SEC14L5: variants seen among roughly 807,000 people sequenced by gnomAD.
SEC14L5 encodes SEC14-like protein 5.
SEC14L5 carries 96 observed loss-of-function variants against 84.6 expected under a neutral mutation model. The observed-to-expected ratio is 1.13, with a 90% CI of 0.96 to 1.34. SEC14L5 has a LOEUF of 1.34. Ranked by LOEUF, SEC14L5 falls within the 40% of genes most tolerant of loss-of-function variation. SEC14L5 has a pLI of 0.00. For synonymous variants in SEC14L5, 546 were observed against 383.4 expected, an observed-to-expected ratio of 1.42 and a Z score of -4.95; for missense variants, 1,224 against 942.5, an observed-to-expected ratio of 1.30 and a Z score of -3.91.
intron 3 of SEC14L5, among the ~76,000 whole-genome samples, chr16:4,987,912 T>G (rs1596627701): frequency 6.7e-6 from 1 of 149,960 alleles, no homozygotes; most frequent in African/African-American, 2.5e-5. Flanking sequence ...GGCTGGGGAG[T>G]AGCGGGAACT....
chr16:4,979,952 C>T (rs753426370), intron 2 of SEC14L5, among the ~76,000 whole-genome samples: 7 of 152,206 alleles, frequency 4.6e-5, no homozygotes, highest in Non-Finnish European at 1.0e-4. Context: ...TGGGACTCAG[C>T]ATTTCCAAGC....
intron 12 of SEC14L5, among the ~76,000 whole-genome samples, chr16:5,007,070 C>T (rs555534420): frequency 7.9e-5 from 12 of 152,220 alleles, no homozygotes; most frequent in South Asian, 2.1e-4. Flanking sequence ...CTGTGACGAA[C>T]GTGGGTTTGT....
At chr16:5,002,995 A>G (rs576765372) in intron 10 of SEC14L5, among the ~76,000 whole-genome samples, 1 of 152,372 alleles carries the variant, frequency 6.6e-6, no homozygotes, top group African/African-American at 2.4e-5. Flanking sequence ...TAGCATTGCA[A>G]TAATGGAATG....
At chr16:4,988,056 G>T (rs932140122) in intron 3 of SEC14L5, 93 bp from the exon 4 acceptor site, 2 of 1,375,466 alleles carry the variant, frequency 1.5e-6, no homozygotes, top group Admixed American at 1.8e-5. Context: ...TCAGGGCAGG[G>T]GGTGACTGGG....
At chr16:5,001,147 G>C (rs1253104496) in intron 10 of SEC14L5, among the ~76,000 whole-genome samples, 1 of 152,002 alleles carries the variant, frequency 6.6e-6, no homozygotes, top group African/African-American at 2.4e-5. Flanking sequence ...ATCGAAGCTT[G>C]TGAGCCGGTC....
At chr16:5,009,896 A>G in intron 14 of SEC14L5, among the ~76,000 whole-genome samples, 2 of 152,028 alleles carry the variant, frequency 1.3e-5, no homozygotes, top group South Asian at 2.1e-4. Flanking sequence ...ACAAAATTGA[A>G]GCCGCAGGGA....
At chr16:4,995,959 C>T (rs781078206) in intron 6 of SEC14L5, among the ~76,000 whole-genome samples, 5 of 152,110 alleles carry the variant, frequency 3.3e-5, no homozygotes, top group Non-Finnish European at 7.3e-5. Flanking sequence ...ATAATAGTGA[C>T]GCCTGCCTCA....
At chr16:4,975,780 G>A (rs918746616) in intron 2 of SEC14L5, among the ~76,000 whole-genome samples, 3 of 152,174 alleles carry the variant, frequency 2.0e-5, no homozygotes, top group African/African-American at 7.2e-5. Context: ...GGGAAGGAAA[G>A]GGGTTGATAG....
rs1955517730 is a variant in SEC14L5, at chr16:4,988,296, C to G, written c.345+16C>G. 1 of 1,612,450 alleles carries G rather than the reference C, an allele frequency of 6.2e-7. No individual in the cohort carries two copies. The highest frequency in any genetic ancestry group is 1.3e-5 in the African/African-American group (1 of 74,894). ...CAGCTACACGGTGAGCCCAGGCCAC[C>G]CTCAGCGCCCACGCCCGGCACCCAC... On this transcript the variant is annotated intron_variant, in intron 4 of 15. Transcript: ENST00000251170.
intron 4 of SEC14L5, among the ~76,000 whole-genome samples, chr16:4,989,629 G>A (rs1955530954): frequency 6.6e-6 from 1 of 152,186 alleles, no homozygotes; most frequent in Non-Finnish European, 1.5e-5. Context: ...TTACAGACAT[G>A]AGCCACCGTA....
chr16:4,986,142 C>CT (rs760379850), intron 2 of SEC14L5, among the ~76,000 whole-genome samples: 6,013 of 143,304 alleles, frequency 0.042, 150 homozygotes, highest in Middle Eastern at 0.094. Flanking sequence ...TCTTCTTCTT[C>CT]TTTTTTTTTT....
rs369407626 is a variant in SEC14L5, at chr16:5,003,442, C to T, written c.1171C>T (p.Arg391Trp). 1.5e-5 allele frequency: 24 copies of T among 1,613,080 alleles called. No homozygotes were observed. The highest frequency in any genetic ancestry group is 3.3e-5 in the Admixed American group (2 of 59,996). ...GCTAGACCTGGAGGGACTCAACATG[C>T]GGCACCTGTGGCGGCCGGGGGTGAA... is the stretch of plus-strand genomic sequence containing the variant. ...CLLDLEGLNMRHLWRPGVKAL... is the reference protein window; with the variant it reads ...CLLDLEGLNMWHLWRPGVKAL... The change falls in exon 11 of 16, where the codon CGG becomes TGG. Residue 391 changes from arginine (R) to tryptophan (W), a missense_variant. Coordinates refer to ENST00000251170, the MANE Select transcript of SEC14L5 (RefSeq NM_014692.2).
intron 8 of SEC14L5, among the ~76,000 whole-genome samples, chr16:4,997,769 A>G (rs1955627788): frequency 6.6e-6 from 1 of 152,046 alleles, no homozygotes. Flanking sequence ...CTAGGGGAGA[A>G]TCCTTGCCTG....
Position 4,988,087 on chromosome 16 carries a change from C to T in SEC14L5, c.214-62C>T, listed in dbSNP as rs1360749309. On this transcript the variant is annotated intron_variant, in intron 3 of 15. Coordinates refer to ENST00000251170, the MANE Select transcript of SEC14L5 (RefSeq NM_014692.2). ...CTGGGGCAGGCCCGCCGGACTCGCT[C>T]TCCATTCCTGTGTGCTCCACGCCGC... 14 of 1,590,760 alleles carry T rather than the reference C, an allele frequency of 8.8e-6. No individual in the cohort carries two copies. In the Admixed American group the frequency reaches 2.2e-4, roughly 25 times the overall value.
intron 2 of SEC14L5, among the ~76,000 whole-genome samples, chr16:4,967,350 G>A (rs573676026): frequency 1.9e-4 from 29 of 152,036 alleles, no homozygotes; most frequent in Non-Finnish European, 3.5e-4. Context: ...GGATTTATAA[G>A]GACACTCCAA....
chr16:4,975,847 G>C (rs925114837), intron 2 of SEC14L5, among the ~76,000 whole-genome samples: 29 of 152,184 alleles, frequency 1.9e-4, no homozygotes, highest in African/African-American at 7.0e-4. Context: ...TGGCTGCGTA[G>C]TGGCCAGGCC....
At chr16:5,010,019 A>G (rs1955780452) in intron 14 of SEC14L5, among the ~76,000 whole-genome samples, 1 of 151,848 alleles carries the variant, frequency 6.6e-6, no homozygotes, top group African/African-American at 2.4e-5. Flanking sequence ...TCTGATGTGC[A>G]CTGTGGTTTC....
rs1555529515 is a variant in SEC14L5 at position 4,987,499 on chromosome 16, G to GGC, written c.64-57_64-56insCG. ...CACAGCAGATAAGGAGGTCGCGCTG[G>GGC]GGGGGGGGGTCCCTCTGCCCCCCCC... On this transcript the variant is annotated intron_variant, in intron 2 of 15. Transcript: ENST00000251170. The GGC allele has an allele frequency of 3.9e-6, 5 of 1,298,344 alleles. No homozygotes were observed. The African/African-American group carries it at 6.3e-5, about 16-fold the overall frequency. 80.4% of individuals were successfully genotyped at this position (1,298,344 alleles called of 1,614,324 possible).
chr16:5,009,129 G>A (rs538427247), intron 14 of SEC14L5, among the ~76,000 whole-genome samples: 1 of 152,180 alleles, frequency 6.6e-6, no homozygotes, highest in Non-Finnish European at 1.5e-5. Context: ...CTATGCCTCT[G>A]TCCTAGCCTT....
Sources: gnomAD v4.1 joint callset for allele counts (sites outside exome capture counted in the v4.1 genomes callset) on GRCh38, gnomAD v4.1.1 for gene constraint, MANE v1.5 for transcripts, NCBI Gene and HGNC (gene_info 2026-07-23, HGNC 2026-07-21) for gene names.